The following DOCK2 variants were observed in gnomAD, a reference collection of about 807,000 sequenced individuals.
DOCK2 encodes dedicator of cytokinesis protein 2.
A neutral mutation model predicts 248.9 loss-of-function variants in DOCK2; 87 were observed. The observed-to-expected ratio is 0.35, with a 90% CI of 0.29 to 0.42. The LOEUF (loss-of-function observed/expected upper bound fraction) is 0.42, where lower values mean the gene tolerates loss of function less well. Ranked by LOEUF, DOCK2 falls within the 10% of genes least tolerant of loss-of-function variation. DOCK2 has a pLI of 1.00. For missense variants in DOCK2, 1,747 were observed against 2,300.2 expected (o/e 0.76, Z 4.92); for synonymous variants, 805 against 821.6 (o/e 0.98, Z 0.35).
intron 27 of DOCK2, among the ~76,000 whole-genome samples, chr5:169,962,960 G>A (rs1326831972): frequency 6.6e-6 from 1 of 152,160 alleles, no homozygotes; most frequent in Non-Finnish European, 1.5e-5. Context: ...GAAGTGGAAG[G>A]GTAAGGGTGG....
intron 2 of DOCK2, among the ~76,000 whole-genome samples, chr5:169,665,810 T>A (rs1758693233): frequency 1.3e-5 from 2 of 152,206 alleles, no homozygotes. Context: ...GGACTGGATC[T>A]CTAGACCTTG....
At chr5:169,661,727 C>G (rs1758459169) in intron 2 of DOCK2, among the ~76,000 whole-genome samples, 1 of 152,058 alleles carries the variant, frequency 6.6e-6, no homozygotes, top group East Asian at 1.9e-4. Flanking sequence ...CTTTCTGTGT[C>G]TGTCATATTT....
chr5:169,740,151 T>TA (rs1407858740), intron 22 of DOCK2, among the ~76,000 whole-genome samples: 1 of 152,228 alleles, frequency 6.6e-6, no homozygotes, highest in Non-Finnish European at 1.5e-5. Flanking sequence ...GTTCATAACT[T>TA]AAAGTTCTTT....
chr5:169,836,027 G>T (rs1011476731), intron 26 of DOCK2, among the ~76,000 whole-genome samples: 2 of 152,156 alleles, frequency 1.3e-5, no homozygotes, highest in East Asian at 3.8e-4. Context: ...AAGTGCTGGG[G>T]TTATAGGCAT....
chr5:169,803,094 A>T lies in DOCK2; in HGVS notation c.2591A>T (p.Glu864Val). The T allele has an allele frequency of 6.2e-7, 1 of 1,614,198 alleles. No homozygotes were observed. ...RDILLPVITK[E>V]LKELLEQKDD... ...ATTCTGCTTCCTGTCATCACCAAAGAGCTGAAGGAGCTGCTGGAGCAGAAG... is the reference window on the plus strand; with the variant it reads ...ATTCTGCTTCCTGTCATCACCAAAGTGCTGAAGGAGCTGCTGGAGCAGAAG... The change falls in exon 26 of 52, where the codon GAG (glutamate) becomes GTG (valine). Residue 864 changes from glutamate (E) to valine (V), a missense_variant. Glu to Val is a moderately radical substitution (Grantham distance 121). Transcript: ENST00000520908.
At chr5:169,945,189 G>C (rs259914) in intron 27 of DOCK2, among the ~76,000 whole-genome samples, 116,482 of 152,286 alleles carry the variant, frequency 0.76, 45,529 homozygotes, top group African/African-American at 0.94. Flanking sequence ...CAGGCTGGTT[G>C]TGCTGCAGCT....
chr5:169,721,045 G>A (rs1308400965), intron 22 of DOCK2, among the ~76,000 whole-genome samples: 19 of 152,160 alleles, frequency 1.2e-4, no homozygotes, highest in African/African-American at 4.6e-4. Context: ...CATGTCTTAC[G>A]TCTGTTAGTT....
At chr5:169,746,471 G>A (rs1763620548) in intron 22 of DOCK2, among the ~76,000 whole-genome samples, 1 of 152,164 alleles carries the variant, frequency 6.6e-6, no homozygotes, top group East Asian at 1.9e-4. Flanking sequence ...ACACTGAGGA[G>A]CTTTTTGAGC....
chr5:169,970,434 T>C (rs1777461488), intron 27 of DOCK2, among the ~76,000 whole-genome samples: 1 of 152,222 alleles, frequency 6.6e-6, no homozygotes, highest in Non-Finnish European at 1.5e-5. Context: ...GAACAATCAC[T>C]TTGTTTGTAG....
intron 27 of DOCK2, among the ~76,000 whole-genome samples, chr5:169,905,724 C>T (rs1017219513): frequency 4.6e-5 from 7 of 152,164 alleles, no homozygotes; most frequent in Admixed American, 1.3e-4. Context: ...TAAATGGCAG[C>T]GTCTGCACCC....
chr5:169,695,943 G>T lies in DOCK2; in HGVS notation c.979+5G>T. On this transcript the variant is annotated splice_donor_5th_base_variant and intron_variant, in intron 10 of 51. Transcript: ENST00000520908. Reference sequence around the variant, plus strand: ...GGAGGCCCTTTGGGGTGGCAGGTAAGGGGCACACTCTGCATCATTGATTTT... The same window carrying T: ...GGAGGCCCTTTGGGGTGGCAGGTAATGGGCACACTCTGCATCATTGATTTT... 2 of 1,594,510 alleles carry T rather than the reference G, an allele frequency of 1.3e-6. No homozygotes were observed. The highest frequency in any genetic ancestry group is 1.7e-6 in the Non-Finnish European group (2 of 1,171,192).
intron 14 of DOCK2, among the ~76,000 whole-genome samples, chr5:169,707,652 C>T (rs1353375170): frequency 2.0e-5 from 3 of 152,174 alleles, no homozygotes; most frequent in Non-Finnish European, 4.4e-5. Flanking sequence ...GGAACCCCCT[C>T]ACCCCAGACT....
intron 14 of DOCK2, 126 bp from the exon 15 acceptor site, chr5:169,708,043 G>T: frequency 1.2e-6 from 1 of 842,560 alleles, no homozygotes; most frequent in East Asian, 2.7e-5. Context: ...CACCTGGCAT[G>T]AGGGCTAGGG....
At chr5:169,780,317 G>A (rs1336125622) in intron 25 of DOCK2, among the ~76,000 whole-genome samples, 1 of 147,178 alleles carries the variant, frequency 6.8e-6, no homozygotes, top group African/African-American at 2.5e-5. Flanking sequence ...GTGTGTGTGT[G>A]TGTGTGTGTG....
rs3138738 is a variant in DOCK2 at position 169,780,295 on chromosome 5, ATGTGTGTGTG to A, written c.2554+18706_2554+18715del. On this transcript the variant is annotated intron_variant, in intron 25 of 51. Transcript: ENST00000520908. ...TTTTAAGGCTCCCCCAACCCAATAA[ATGTGTGTGTG>A]TGTGTGTGTGTGTGTGTGTGTGTGT... 1.3e-3 allele frequency among the ~76,000 whole-genome samples: 184 copies of A among 137,788 alleles called. 2 individuals carry two copies. Among genetic ancestry groups the A allele is most frequent in the East Asian group, 4.6e-3 (21 of 4,576 alleles). 90.4% of individuals were successfully genotyped at this position (137,788 alleles called of 152,430 possible). A position where few individuals can be genotyped will look rare whatever the true frequency, so the allele number is the denominator to read the frequency against.
chr5:169,901,425 G>A lies in DOCK2; in HGVS notation c.2799+60573G>A, dbSNP rs1773916699. On this transcript the variant is annotated intron_variant, in intron 27 of 51. Transcript: ENST00000520908. The stretch of plus-strand genomic sequence containing the variant: ...TTCAAGAGGTTTACGAAGGGTGTGT[G>A]TGTGTGTGGGCATGCATGCGTGCAT... Among the ~76,000 whole-genome samples the A allele has an allele frequency of 2.6e-5, 4 of 152,158 alleles. No homozygotes were observed. In the South Asian group the frequency reaches 8.3e-4, roughly 32 times the overall value.
At chr5:169,663,158 T>C (rs1461327480) in intron 2 of DOCK2, among the ~76,000 whole-genome samples, 2 of 152,238 alleles carry the variant, frequency 1.3e-5, no homozygotes, top group Non-Finnish European at 2.9e-5. Context: ...TGGGCAGCCA[T>C]TGAATCATAA....
At chr5:169,985,176 T>G (rs1778034438) in intron 28 of DOCK2, among the ~76,000 whole-genome samples, 1 of 152,188 alleles carries the variant, frequency 6.6e-6, no homozygotes, top group Admixed American at 6.5e-5. Context: ...GTGCTGGGAT[T>G]GCAGGTGGGA....
chr5:169,679,833 C>T (rs1164696377), intron 6 of DOCK2, among the ~76,000 whole-genome samples: 1 of 152,160 alleles, frequency 6.6e-6, no homozygotes, highest in Non-Finnish European at 1.5e-5. Flanking sequence ...GAGAGATGCG[C>T]CTCTCAATTC....
Sources: allele counts gnomAD v4.1 joint callset (sites outside exome capture counted in the v4.1 genomes callset), GRCh38; gene constraint gnomAD v4.1.1; transcripts MANE v1.5; gene names NCBI Gene and HGNC (gene_info 2026-07-23, HGNC 2026-07-21).